Variants in VPS8 observed in about 807,000 individuals in gnomAD.
VPS8 encodes the protein vacuolar protein sorting-associated protein 8 homolog.
VPS8 carries 129 observed loss-of-function variants against 216.4 expected under a neutral mutation model. The ratio of observed to expected loss-of-function variants is 0.60; its 90% CI spans 0.52 to 0.69. The LOEUF is 0.69. Ranked by LOEUF, VPS8 falls within the 30% of genes least tolerant of loss-of-function variation. VPS8 has a pLI of 0.00. For missense variants in VPS8, 1,531 were observed against 1,683.5 expected (o/e 0.91, Z 1.59); for synonymous variants, 571 against 565.4 (o/e 1.01, Z -0.14).
intron 22 of VPS8, among the ~76,000 whole-genome samples, chr3:184,887,644 T>G (rs1731531308): frequency 6.6e-6 from 1 of 152,198 alleles, no homozygotes. Flanking sequence ...GCTCCTGTGT[T>G]CTTGGTTTTA....
Position 184,975,423 on chromosome 3 carries a change from C to T in VPS8, c.3420+3671C>T, listed in dbSNP as rs146679128. ...TTGAATCCAGCAACTTCACTGAATTCGTTTATCAGTTCTAACAGTTTCTTG... is the reference window on the plus strand; with the variant it reads ...TTGAATCCAGCAACTTCACTGAATTTGTTTATCAGTTCTAACAGTTTCTTG... On this transcript the variant is annotated intron_variant, in intron 40 of 47. Coordinates refer to ENST00000625842, the MANE Select transcript of VPS8 (RefSeq NM_001009921.3). 4.3e-3 allele frequency among the ~76,000 whole-genome samples: 645 copies of T among 151,130 alleles called. 1 individual carries two copies. The highest frequency in any genetic ancestry group is 6.4e-3 in the Non-Finnish European group (435 of 67,618).
chr3:184,835,494 T>C (rs1304820567), intron 5 of VPS8, among the ~76,000 whole-genome samples: 1 of 152,168 alleles, frequency 6.6e-6, no homozygotes, highest in Non-Finnish European at 1.5e-5. Context: ...GAACTTTTCG[T>C]TTGACACTAT....
At chr3:184,847,474 G>A (rs1369083147) in intron 8 of VPS8, among the ~76,000 whole-genome samples, 1 of 152,154 alleles carries the variant, frequency 6.6e-6, no homozygotes, top group East Asian at 1.9e-4. Flanking sequence ...CTTTGGGAGT[G>A]TTAATTCACT....
chr3:185,048,890 T>A (rs1000153734), intron 47 of VPS8, among the ~76,000 whole-genome samples: 6 of 152,182 alleles, frequency 3.9e-5, no homozygotes, highest in South Asian at 4.1e-4. Context: ...AGGTGCCCAA[T>A]CTGTCCGAAG....
chr3:184,869,044 G>A lies in VPS8; in HGVS notation c.1597+8G>A. 1 of 1,598,892 alleles carries A rather than the reference G, an allele frequency of 6.3e-7. No homozygotes were observed. Among genetic ancestry groups the A allele is most frequent in the Non-Finnish European group, 8.5e-7 (1 of 1,172,442 alleles). ...AAGCAAAAGCAGTAGTGGGTGAGTA[G>A]GCAGAATTCCAGTGTAGTAGACGTG... On this transcript the variant is annotated splice_region_variant and intron_variant, in intron 19 of 47. Transcript: ENST00000625842.
chr3:184,900,716 T>C (rs1293110473), intron 24 of VPS8, among the ~76,000 whole-genome samples: 1 of 152,204 alleles, frequency 6.6e-6, no homozygotes, highest in Non-Finnish European at 1.5e-5. Context: ...TAAATGATTT[T>C]TTTCGGTGAG....
At chr3:184,962,062 A>G (rs13317456) in intron 37 of VPS8, among the ~76,000 whole-genome samples, 72,935 of 151,938 alleles carry the variant, frequency 0.48, 18,335 homozygotes, top group Middle Eastern at 0.66. Flanking sequence ...GCACCCGGCC[A>G]CTTTTACTAA....
rs945145881 is a variant in VPS8, at chr3:184,913,540, A to G, written c.2168A>G (p.Asn723Ser). 3.8e-6 allele frequency: 6 copies of G among 1,588,426 alleles called. No individual in the cohort carries two copies. Among genetic ancestry groups the G allele is most frequent in the Non-Finnish European group, 4.3e-6 (5 of 1,167,828 alleles). ...TTAGATGAACAAGTTGTTATGGGCAATAAGCTCCTTGTATATATTAGGTAA... is the reference window on the plus strand; with the variant it reads ...TTAGATGAACAAGTTGTTATGGGCAGTAAGCTCCTTGTATATATTAGGTAA... ...TLTDEQVVMG[N>S]KLLVYISCCL... The change falls in exon 26 of 48, where the codon AAT becomes AGT. Residue 723 changes from asparagine (N) to serine (S), a missense_variant. Asn to Ser is a conservative substitution (Grantham distance 46, BLOSUM62 1). This residue lies in a region of VPS8 where 1,318 missense variants were observed against 1,468.4 expected (regional missense o/e 0.90). Transcript: ENST00000625842.
chr3:184,874,886 C>G (rs576822372), intron 21 of VPS8, among the ~76,000 whole-genome samples: 1 of 151,940 alleles, frequency 6.6e-6, no homozygotes, highest in Non-Finnish European at 1.5e-5. Flanking sequence ...TGGGATTAGC[C>G]GTATTGCTCC....
chr3:184,827,859 A>C (rs1432669153), intron 3 of VPS8, among the ~76,000 whole-genome samples: 1 of 152,156 alleles, frequency 6.6e-6, no homozygotes, highest in Non-Finnish European at 1.5e-5. Context: ...TTGAGAAGGA[A>C]ATGAGGCTGG....
chr3:184,854,024 G>A lies in VPS8; in HGVS notation c.975+14G>A. ...TCCTTGACAAAAGTAAGTGTATTTA[G>A]AAGTTAAAACTCAGAACTTTTAGAA... On this transcript the variant is annotated intron_variant, in intron 12 of 47. Coordinates refer to ENST00000625842, the MANE Select transcript of VPS8 (RefSeq NM_001009921.3). 6.2e-7 allele frequency: 1 copy of A among 1,613,352 alleles called. No individual in the cohort carries two copies. Among genetic ancestry groups the A allele is most frequent in the Non-Finnish European group, 8.5e-7 (1 of 1,179,582 alleles).
chr3:184,908,806 C>G (rs887942848), intron 25 of VPS8, among the ~76,000 whole-genome samples: 2 of 152,184 alleles, frequency 1.3e-5, no homozygotes, highest in Non-Finnish European at 2.9e-5. Context: ...CAGGGGTGGT[C>G]CCACTACCCG....
Position 185,031,365 on chromosome 3 carries a change from G to T in VPS8, c.4056+6976G>T, listed in dbSNP as rs981831803. 2.4e-4 allele frequency among the ~76,000 whole-genome samples: 36 copies of T among 152,110 alleles called. 1 individual carries two copies. Among genetic ancestry groups the T allele is most frequent in the Admixed American group, 2.4e-3 (36 of 15,276 alleles). On this transcript the variant is annotated intron_variant, in intron 46 of 47. Transcript: ENST00000625842. ...AACAACAAAATGATAGCCCTTGATC[G>T]ATATAGATGCTTCTTTCTCTAGAGT... is the stretch of plus-strand genomic sequence containing the variant.
intron 36 of VPS8, among the ~76,000 whole-genome samples, chr3:184,956,066 A>T (rs1005507744): frequency 1.3e-5 from 2 of 152,190 alleles, no homozygotes; most frequent in Non-Finnish European, 2.9e-5. Context: ...AAGCAGCAGA[A>T]TTTTTTTAGT....
At chr3:184,862,007 C>T (rs578027206) in intron 15 of VPS8, among the ~76,000 whole-genome samples, 2 of 152,230 alleles carry the variant, frequency 1.3e-5, no homozygotes, top group African/African-American at 4.8e-5. Flanking sequence ...CAAACTCTTC[C>T]CTTAGAGTGG....
At chr3:185,027,028 A>G (rs1383877744) in intron 46 of VPS8, among the ~76,000 whole-genome samples, 1 of 151,510 alleles carries the variant, frequency 6.6e-6, no homozygotes, top group Non-Finnish European at 1.5e-5. Flanking sequence ...TCCTTACACT[A>G]TTTACTGAGA....
chr3:185,017,725 G>A (rs987374105), intron 45 of VPS8, among the ~76,000 whole-genome samples: 3 of 152,208 alleles, frequency 2.0e-5, no homozygotes, highest in Non-Finnish European at 2.9e-5. Context: ...CAGCTTTTGT[G>A]CAGCGTAAAT....
intron 46 of VPS8, 96 bp downstream of exon 46, chr3:185,024,485 C>A: frequency 7.8e-7 from 1 of 1,289,210 alleles, no homozygotes; most frequent in Non-Finnish European, 1.1e-6. Flanking sequence ...GATTTTTAAT[C>A]ATCTTAATGC....
intron 6 of VPS8, 40 bp from the exon 7 acceptor site, chr3:184,839,658 A>C: frequency 6.4e-7 from 1 of 1,558,278 alleles, no homozygotes; most frequent in South Asian, 1.2e-5. Flanking sequence ...AAGATTCTTA[A>C]TGTAATGTCT....
Sources: allele counts gnomAD v4.1 joint callset (sites outside exome capture counted in the v4.1 genomes callset), GRCh38; gene constraint gnomAD v4.1.1; regional missense constraint gnomAD v4.1.1; transcripts MANE v1.5; gene names NCBI Gene and HGNC (gene_info 2026-07-23, HGNC 2026-07-21).